The following RAB17 variants were observed in gnomAD, a reference collection of about 807,000 sequenced individuals.
RAB17 encodes the protein RAB17, member RAS oncogene family, also known as ras-related protein Rab-17.
RAB17 carries 15 observed loss-of-function variants against 19.3 expected under a neutral mutation model. That is an observed-to-expected ratio of 0.78 (90% confidence interval 0.52 to 1.20). The LOEUF is 1.20. RAB17 is among the 50% of genes most tolerant of loss of function. RAB17 has a pLI of 0.00. For synonymous variants in RAB17, 110 were observed against 112.8 expected, an observed-to-expected ratio of 0.97 and a Z score of 0.16; for missense variants, 262 against 269.3, an observed-to-expected ratio of 0.97 and a Z score of 0.19.
intron 4 of RAB17, 47 bp downstream of exon 4, chr2:237,577,210 G>T (rs1459267889): frequency 2.5e-6 from 4 of 1,575,800 alleles, no homozygotes; most frequent in Non-Finnish European, 8.6e-7. Context: ...GGCGGGCAGG[G>T]CTCTCTCCTG....
chr2:237,589,438 G>C (rs550646497), intron 1 of RAB17, among the ~76,000 whole-genome samples: 1 of 152,076 alleles, frequency 6.6e-6, no homozygotes, highest in Admixed American at 6.6e-5. Context: ...CTCACACATT[G>C]CTTCAAAATC....
chr2:237,580,670 T>A (rs2081301240), intron 2 of RAB17, among the ~76,000 whole-genome samples: 1 of 148,470 alleles, frequency 6.7e-6, no homozygotes, highest in African/African-American at 2.5e-5. Flanking sequence ...ACCCAGGAGG[T>A]GGAGGTTGCA....
At chr2:237,584,383 G>A (rs1477805021) in intron 2 of RAB17, among the ~76,000 whole-genome samples, 9 of 152,114 alleles carry the variant, frequency 5.9e-5, no homozygotes, top group East Asian at 1.9e-4. Context: ...CTAGGGTGGC[G>A]TCATGGAGTC....
chr2:237,576,979 G>A (rs928701130), intron 4 of RAB17, among the ~76,000 whole-genome samples: 6 of 152,108 alleles, frequency 3.9e-5, no homozygotes, highest in African/African-American at 7.2e-5. Context: ...AGGAAAGACC[G>A]GAAATCTTTG....
chr2:237,575,196 C>A, intron 5 of RAB17, 68 bp from the exon 6 acceptor site: 1 of 1,318,868 alleles, frequency 7.6e-7, no homozygotes, highest in Non-Finnish European at 1.1e-6. Flanking sequence ...GCCCTGCAGA[C>A]CAGCCACCCC....
At chr2:237,589,178 C>T (rs2081373093) in intron 1 of RAB17, among the ~76,000 whole-genome samples, 1 of 151,690 alleles carries the variant, frequency 6.6e-6, no homozygotes, top group African/African-American at 2.4e-5. Context: ...CAAAATCCCA[C>T]CATTGCACTC....
Position 237,574,349 on chromosome 2 carries a change from GGAGGAAA to G in RAB17, c.*663_*669del, listed in dbSNP as rs2081243614. 1.4e-6 allele frequency: 2 copies of G among 1,442,422 alleles called. No homozygotes were observed. Among genetic ancestry groups the G allele is most frequent in the East Asian group, 5.2e-5 (2 of 38,478 alleles). 89.4% of individuals were successfully genotyped at this position (1,442,422 alleles called of 1,614,324 possible). On this transcript the variant is annotated 3_prime_UTR_variant, in exon 6 of 6. Transcript: ENST00000264601. The stretch of plus-strand genomic sequence containing the variant: ...GATTGTCAAAAGCAATTTAATTTTT[GGAGGAAA>G]AACTGCATACGCAGTACAACTTATA...
chr2:237,574,603 C>T lies in RAB17; in HGVS notation c.*416G>A. 5.2e-6 allele frequency: 8 copies of T among 1,537,160 alleles called. No individual in the cohort carries two copies. The highest frequency in any genetic ancestry group is 7.0e-6 in the Non-Finnish European group (8 of 1,139,520). Reference sequence around the variant, plus strand: ...CACCTCCATCTGGCCTGCTCCCCAACCCCCCAGAAGCAGGTGGGCCCAGGC... The same window carrying T: ...CACCTCCATCTGGCCTGCTCCCCAATCCCCCAGAAGCAGGTGGGCCCAGGC... On this transcript the variant is annotated 3_prime_UTR_variant, in exon 6 of 6. Transcript: ENST00000264601.
At position 237,590,728 on chromosome 2, in the gene RAB17, T is replaced by G. The variant is rs959430659; in HGVS notation, c.-265A>C. On this transcript the variant is annotated 5_prime_UTR_variant, in exon 1 of 6. Transcript: ENST00000264601. ...AGGCCTCTTCTCCTCCCAGAAGGTT[T>G]CAGGGCAAAGTCCACAGTGGTCATG... The G allele has an allele frequency of 2.0e-5, 3 of 153,336 alleles. No individual in the cohort carries two copies. The highest frequency in any genetic ancestry group is 4.4e-5 in the Non-Finnish European group (3 of 68,884). 9.5% of individuals were successfully genotyped at this position (153,336 alleles called of 1,614,324 possible). A position where few individuals can be genotyped will look rare whatever the true frequency, so the allele number is the denominator to read the frequency against.
At chr2:237,576,112 G>C (rs957329121) in intron 4 of RAB17, among the ~76,000 whole-genome samples, 9 of 152,172 alleles carry the variant, frequency 5.9e-5, no homozygotes, top group Non-Finnish European at 1.5e-5. Context: ...GGATCCCAGA[G>C]GGCACAGCTC....
chr2:237,578,270 T>C (rs2149183157), intron 2 of RAB17, 115 bp from the exon 3 acceptor site: 1 of 1,051,958 alleles, frequency 9.5e-7, no homozygotes, highest in East Asian at 2.6e-5. Flanking sequence ...CAGCTGGCCA[T>C]GCATCTCCCA....
chr2:237,578,132 C>G lies in RAB17; in HGVS notation c.181G>C (p.Asp61His). Reference sequence around the variant, plus strand: ...AGCTTCAGAGAGGTGGCACCCACATCCACCACCTTTGTGAAGAACGCACCT... The same window carrying G: ...AGCTTCAGAGAGGTGGCACCCACATGCACCACCTTTGTGAAGAACGCACCT... Reference protein sequence around the residue: ...VGCAFFTKVVDVGATSLKLEI... With the variant: ...VGCAFFTKVVHVGATSLKLEI... The change falls in exon 3 of 6, where the codon GAT (aspartate) becomes CAT (histidine). Residue 61 changes from aspartate to histidine, a missense_variant. Transcript: ENST00000264601. 2 of 1,613,154 alleles carry G rather than the reference C, an allele frequency of 1.2e-6. No individual in the cohort carries two copies. Among genetic ancestry groups the G allele is most frequent in the Admixed American group, 1.7e-5 (1 of 59,984 alleles).
chr2:237,576,736 G>A (rs1037317787), intron 4 of RAB17: 6 of 471,054 alleles, frequency 1.3e-5, no homozygotes, highest in African/African-American at 4.0e-5. Context: ...AGAAACAACA[G>A]CGACACCTGG....
intron 2 of RAB17, chr2:237,578,364 C>A: frequency 2.0e-6 from 1 of 506,928 alleles, no homozygotes; most frequent in Non-Finnish European, 3.5e-6. Flanking sequence ...GGAGTGATTG[C>A]TATGGGGCCT....
intron 2 of RAB17, among the ~76,000 whole-genome samples, chr2:237,584,945 C>T (rs1046491817): frequency 6.6e-6 from 1 of 152,220 alleles, no homozygotes; most frequent in Non-Finnish European, 1.5e-5. Flanking sequence ...CAGCCTCTCA[C>T]CATCACCCTG....
intron 4 of RAB17, among the ~76,000 whole-genome samples, chr2:237,576,978 C>G (rs1359718101): frequency 6.6e-6 from 1 of 152,074 alleles, no homozygotes; most frequent in African/African-American, 2.4e-5. Flanking sequence ...CAGGAAAGAC[C>G]GGAAATCTTT....
At chr2:237,575,568 A>C in intron 4 of RAB17, 88 bp from the exon 5 acceptor site, 1 of 1,028,972 alleles carries the variant, frequency 9.7e-7, no homozygotes, top group Non-Finnish European at 1.5e-6. Flanking sequence ...AGATCCGAGA[A>C]AGCTGCAGCC....
chr2:237,582,217 G>A lies in RAB17; in HGVS notation c.157+3781C>T, dbSNP rs148710741. On this transcript the variant is annotated intron_variant, in intron 2 of 5. Coordinates refer to ENST00000264601, the MANE Select transcript of RAB17 (RefSeq NM_022449.4). Reference sequence around the variant, plus strand: ...TCTGGCTCTGCTTCCTGCTTCCTCTGGATGGACGGTGTCTTGCCAGGAGCT... The same window carrying A: ...TCTGGCTCTGCTTCCTGCTTCCTCTAGATGGACGGTGTCTTGCCAGGAGCT... 1.2e-3 allele frequency among the ~76,000 whole-genome samples: 184 copies of A among 152,344 alleles called. 2 individuals are homozygous for A. Among genetic ancestry groups the A allele is most frequent in the African/African-American group, 4.3e-3 (179 of 41,584 alleles).
At chr2:237,580,631 C>A (rs903100785) in intron 2 of RAB17, among the ~76,000 whole-genome samples, 3 of 151,978 alleles carry the variant, frequency 2.0e-5, no homozygotes, top group Admixed American at 6.6e-5. Context: ...CCCAGCTACT[C>A]GGGAGGCCGA....
Sources: gnomAD v4.1 joint callset for allele counts (sites outside exome capture counted in the v4.1 genomes callset) on GRCh38, gnomAD v4.1.1 for gene constraint, MANE v1.5 for transcripts, NCBI Gene and HGNC (gene_info 2026-07-23, HGNC 2026-07-21) for gene names.